Variants in NSD2 observed in about 807,000 individuals in gnomAD.
NSD2 encodes nuclear receptor binding SET domain protein 2.
NSD2 carries 12 observed loss-of-function variants against 139.0 expected under a neutral mutation model. The observed-to-expected ratio is 0.09, with a 90% CI of 0.06 to 0.14. The LOEUF (loss-of-function observed/expected upper bound fraction) is 0.14. Among genes scored for constraint, NSD2 ranks in the 10% least tolerant of loss-of-function variants. The pLI, the probability that NSD2 is intolerant of heterozygous loss-of-function variation, is 1.00. For missense variants in NSD2, 1,155 were observed against 1,745.0 expected, an observed-to-expected ratio of 0.66 and a Z score of 6.02; for synonymous variants, 669 against 648.7, an observed-to-expected ratio of 1.03 and a Z score of -0.48.
At chr4:1,880,612 CAA>C (rs549555052) in intron 1 of NSD2, among the ~76,000 whole-genome samples, 1 of 118,688 alleles carries the variant, frequency 8.4e-6, no homozygotes. Context: ...ATACTCCTGC[CAA>C]AAAAAAAAAA....
chr4:1,934,909 A>ATATATATATATATATAT (rs1491516751), intron 6 of NSD2, among the ~76,000 whole-genome samples: 2 of 117,500 alleles, frequency 1.7e-5, no homozygotes, highest in Admixed American at 8.7e-5. Flanking sequence ...ATATATATAT[A>ATATATATATATATATAT]AAAAACAGAT....
rs752556934 is a variant in NSD2, at chr4:1,900,857, A to G, written c.203A>G (p.His68Arg). The G allele has an allele frequency of 6.2e-7, 1 of 1,613,690 alleles. No homozygotes were observed. The highest frequency in any genetic ancestry group is 8.5e-7 in the Non-Finnish European group (1 of 1,179,694). ...GGGGTCATGCAGAAGTTTAACGGCC[A>G]CGACGCCCTGCCCTTTATTCCAGCC... ...QEGVMQKFNG[H>R]DALPFIPADK... Residue 68 changes from histidine (H) to arginine (R), a missense_variant, in exon 2 of 22, where the codon CAC becomes CGC. His to Arg is a conservative substitution (Grantham distance 29). This residue lies in a region of NSD2 where 246 missense variants were observed against 262.8 expected (regional missense o/e 0.94). Transcript: ENST00000508803.
intron 2 of NSD2, among the ~76,000 whole-genome samples, chr4:1,903,729 GAA>G (rs1164415943): frequency 6.7e-6 from 1 of 149,036 alleles, no homozygotes; most frequent in Admixed American, 6.7e-5. Flanking sequence ...GAGTGAGAGA[GAA>G]ATTTTTTTTT....
intron 1 of NSD2, among the ~76,000 whole-genome samples, chr4:1,885,508 T>C (rs1024893508): frequency 1.3e-5 from 2 of 152,228 alleles, no homozygotes; most frequent in African/African-American, 4.8e-5. Context: ...GTAAAGGAAG[T>C]CTGTCTCAGT....
At position 1,948,640 on chromosome 4, in the gene NSD2, G is replaced by C; in HGVS notation, c.1882-2432G>C. ...GTCTATATTCTGTATGTGGGTCCCA[G>C]ACCCTGATCAGGAAATGAGCCTCAT... On this transcript the variant is annotated intron_variant, in intron 9 of 21. Transcript: ENST00000508803. The surrounding 1 kb of genome is among the most constrained non-coding windows in gnomAD (Gnocchi z 4.5). 9.4e-7 allele frequency: 1 copy of C among 1,061,554 alleles called. No homozygotes were observed. The highest frequency in any genetic ancestry group is 1.1e-6 in the Non-Finnish European group (1 of 875,952). The allele number at this position is 1,061,554 out of a possible 1,614,324, so 65.8% of individuals were successfully genotyped here.
At position 1,981,641 on chromosome 4, in the gene NSD2, C is replaced by A. The variant is rs557274163; in HGVS notation, c.*2732C>A. On this transcript the variant is annotated 3_prime_UTR_variant, in exon 22 of 22. Transcript: ENST00000508803. ...AGAACCCAGCTGTCCGTCCTCAGGCCGGCCTTTCTTCCGGCGACACCCGTC... is the reference window on the plus strand; with the variant it reads ...AGAACCCAGCTGTCCGTCCTCAGGCAGGCCTTTCTTCCGGCGACACCCGTC... 2.6e-6 allele frequency: 1 copy of A among 386,512 alleles called. No homozygotes were observed. The highest frequency in any genetic ancestry group is 4.5e-5 in the Admixed American group (1 of 22,276). 23.9% of individuals were successfully genotyped at this position (386,512 alleles called of 1,614,324 possible). A position where few individuals can be genotyped will look rare whatever the true frequency, so the allele number is the denominator to read the frequency against.
chr4:1,977,708 G>A (rs879758107), intron 21 of NSD2, among the ~76,000 whole-genome samples: 9 of 151,864 alleles, frequency 5.9e-5, no homozygotes, highest in Non-Finnish European at 1.0e-4. Flanking sequence ...CCCGGGAGGC[G>A]GAGGTTGCAG....
chr4:1,978,096 C>T (rs1444511946), intron 21 of NSD2, among the ~76,000 whole-genome samples: 1 of 151,964 alleles, frequency 6.6e-6, no homozygotes, highest in Non-Finnish European at 1.5e-5. Context: ...CACTGCTCTC[C>T]AGCCTGGGCG....
Position 1,918,172 on chromosome 4 carries a change from C to A in NSD2, c.959C>A (p.Ala320Asp). The A allele has an allele frequency of 6.2e-7, 1 of 1,612,602 alleles. No individual in the cohort carries two copies. Among genetic ancestry groups the A allele is most frequent in the Non-Finnish European group, 8.5e-7 (1 of 1,179,782 alleles). ...LLKPISGKLR[A>D]QWEMGIVQAE... ...AAACCAATTTCAGGGAAATTGAGGGCCCAGTGGGAAATGGGCATTGTTCAA... is the reference window on the plus strand; with the variant it reads ...AAACCAATTTCAGGGAAATTGAGGGACCAGTGGGAAATGGGCATTGTTCAA... The change falls in exon 5 of 22, where the codon GCC becomes GAC. Residue 320 changes from alanine (A) to aspartate (D), a missense_variant. Coordinates refer to ENST00000508803, the MANE Select transcript of NSD2 (RefSeq NM_001042424.3).
In NSD2 at chr4:1,981,108, A is replaced by AT. The variant is rs1727716453; in HGVS notation, c.*2199_*2200insT. On this transcript the variant is annotated 3_prime_UTR_variant, in exon 22 of 22. Transcript: ENST00000508803. ...TTATTTTTGTGTTGGACAGTAGTGA[A>AT]ATCTTGTGATTTTTAATCGCTTTGA... 4.3e-6 allele frequency: 1 copy of AT among 233,176 alleles called. No individual in the cohort carries two copies. The highest frequency in any genetic ancestry group is 2.2e-5 in the African/African-American group (1 of 45,364). The allele number at this position is 233,176 out of a possible 1,614,324, so 14.4% of individuals were successfully genotyped here.
At chr4:1,967,012 T>G (rs1725956779) in intron 18 of NSD2, among the ~76,000 whole-genome samples, 3 of 152,162 alleles carry the variant, frequency 2.0e-5, no homozygotes, top group African/African-American at 7.2e-5. Flanking sequence ...ATCAATAAAA[T>G]TGACAAACCT....
At chr4:1,944,574 G>A (rs931275234) in intron 9 of NSD2, 71 of 1,064,386 alleles carry the variant, frequency 6.7e-5, no homozygotes, top group Non-Finnish European at 5.6e-5. Flanking sequence ...GCATTCACTA[G>A]AGGTGAAAAC....
chr4:1,928,396 A>T (rs1721212178), intron 5 of NSD2, among the ~76,000 whole-genome samples: 1 of 152,236 alleles, frequency 6.6e-6, no homozygotes, highest in Admixed American at 6.5e-5. Flanking sequence ...CAGTGAGATG[A>T]TGCAGTCAGG....
At chr4:1,893,043 A>C (rs778506416) in intron 1 of NSD2, among the ~76,000 whole-genome samples, 3 of 152,066 alleles carry the variant, frequency 2.0e-5, no homozygotes, top group Non-Finnish European at 4.4e-5. Context: ...TCTTCCTACA[A>C]CAGCACTTCT....
intron 6 of NSD2, among the ~76,000 whole-genome samples, chr4:1,934,356 A>G (rs1722048990): frequency 6.7e-6 from 1 of 150,014 alleles, no homozygotes; most frequent in Non-Finnish European, 1.5e-5. Context: ...AAGTATTGGG[A>G]TTACAGGCAT....
intron 5 of NSD2, among the ~76,000 whole-genome samples, chr4:1,924,644 C>T (rs1430455891): frequency 3.9e-5 from 6 of 151,950 alleles, no homozygotes; most frequent in Admixed American, 3.9e-4. Flanking sequence ...AGTGCAGTGG[C>T]TCACACCTGT....
intron 1 of NSD2, among the ~76,000 whole-genome samples, chr4:1,872,061 G>T (rs931052741): frequency 6.6e-6 from 1 of 151,740 alleles, no homozygotes; most frequent in African/African-American, 2.4e-5. Context: ...CGGCGCCGGG[G>T]CCAGGGGTCG....
At chr4:1,919,913 C>A (rs1047412877) in intron 5 of NSD2, among the ~76,000 whole-genome samples, 2 of 151,112 alleles carry the variant, frequency 1.3e-5, no homozygotes, top group African/African-American at 2.4e-5. Context: ...TCCAGCCTGG[C>A]GACAGAATGA....
chr4:1,901,840 C>T (rs1422394046), intron 2 of NSD2, among the ~76,000 whole-genome samples: 1 of 152,200 alleles, frequency 6.6e-6, no homozygotes, highest in African/African-American at 2.4e-5. Flanking sequence ...TTCTTGGTTC[C>T]CAGTGCAGAG....
Sources: gnomAD v4.1 joint callset for allele counts (sites outside exome capture counted in the v4.1 genomes callset) on GRCh38, gnomAD v4.1.1 for gene constraint, gnomAD v4.1.1 regional missense constraint, Gnocchi (gnomAD v3.1) non-coding constraint, MANE v1.5 for transcripts, NCBI Gene and HGNC (gene_info 2026-07-23, HGNC 2026-07-21) for gene names.